The following ASIC2 variants were observed in gnomAD, a reference collection of about 807,000 sequenced individuals.
The protein encoded by ASIC2 is acid sensing ion channel subunit 2.
ASIC2 carries 25 observed loss-of-function variants against 57.3 expected under a neutral mutation model. The ratio of observed to expected loss-of-function variants is 0.44; its 90% CI spans 0.32 to 0.61. The LOEUF (loss-of-function observed/expected upper bound fraction) is 0.61. Ranked by LOEUF, ASIC2 falls within the 20% of genes least tolerant of loss-of-function variation. The pLI is 0.06. For missense variants in ASIC2, 641 were observed against 738.1 expected, an observed-to-expected ratio of 0.87 and a Z score of 1.52; for synonymous variants, 319 against 307.5, an observed-to-expected ratio of 1.04 and a Z score of -0.39.
chr17:33,116,971 T>G (rs1189471815), intron 1 of ASIC2, among the ~76,000 whole-genome samples: 1 of 151,892 alleles, frequency 6.6e-6, no homozygotes, highest in African/African-American at 2.4e-5. Flanking sequence ...CACCTCAGCC[T>G]CTTGAGTAGC....
At position 33,367,423 on chromosome 17, in the gene ASIC2, C is replaced by T. The variant is rs1168827613; in HGVS notation, c.556-255356G>A. 2.0e-5 allele frequency among the ~76,000 whole-genome samples: 3 copies of T among 152,208 alleles called. No individual in the cohort carries two copies. In the East Asian group the frequency reaches 5.8e-4, roughly 29 times the overall value. ...AAGTACTCCTAATTTGATCTTTCCA[C>T]TGCTTCTCTCTGTAAAAGAATCTCA... On this transcript the variant is annotated intron_variant, in intron 1 of 9. Coordinates refer to the ASIC2 transcript ENST00000359872.
intron 1 of ASIC2, among the ~76,000 whole-genome samples, chr17:33,871,158 T>C (rs1280507176): frequency 6.6e-6 from 1 of 152,186 alleles, no homozygotes. Context: ...CCCGGATAGA[T>C]GCCAGATTCC....
chr17:33,263,740 C>T (rs538043763), intron 1 of ASIC2, among the ~76,000 whole-genome samples: 1 of 136,162 alleles, frequency 7.3e-6, no homozygotes, highest in Admixed American at 7.7e-5. Flanking sequence ...CAGATCTGGG[C>T]ATATGAAAGG....
intron 1 of ASIC2, among the ~76,000 whole-genome samples, chr17:33,681,087 C>T (rs1374764339): frequency 1.3e-5 from 2 of 152,210 alleles, no homozygotes; most frequent in African/African-American, 4.8e-5. Flanking sequence ...CAATGATAAA[C>T]TGGCCTGCAT....
Position 34,015,897 on chromosome 17 carries a change from A to G in ASIC2, c.555+140081T>C, listed in dbSNP as rs533566866. 6.6e-5 allele frequency among the ~76,000 whole-genome samples: 10 copies of G among 152,304 alleles called. No homozygotes were observed. In the South Asian group the frequency reaches 1.2e-3, roughly 19 times the overall value. ...GTTTCTCTTTTTATAAAATGGGGAG[A>G]TGACCAACTCACGTGCCTACCATGA... On this transcript the variant is annotated intron_variant, in intron 1 of 9. Transcript: ENST00000359872.
At chr17:34,028,342 A>T (rs8072154) in intron 1 of ASIC2, among the ~76,000 whole-genome samples, 12,018 of 152,184 alleles carry the variant, frequency 0.079, 1,462 homozygotes, top group African/African-American at 0.26. Context: ...TTTCTTTGCA[A>T]TTCCTAACAT....
At chr17:33,536,301 C>T (rs920192644) in intron 1 of ASIC2, among the ~76,000 whole-genome samples, 7 of 152,200 alleles carry the variant, frequency 4.6e-5, no homozygotes, top group Non-Finnish European at 8.8e-5. Context: ...TCAACAAGTC[C>T]TGTAGACTCT....
Position 33,017,613 on chromosome 17 carries a change from T to C in ASIC2, c.1513A>G (p.Ile505Val). The C allele has an allele frequency of 1.2e-6, 2 of 1,612,650 alleles. No homozygotes were observed. The highest frequency in any genetic ancestry group is 1.7e-6 in the Non-Finnish European group (2 of 1,178,906). Residue 505 changes from isoleucine to valine, a missense_variant, in exon 8 of 10, where the codon ATT becomes GTT. Physicochemically the swap from Ile to Val is conservative, Grantham distance 29. Around this residue, in one of 3 missense-constraint regions of ASIC2, gnomAD observed 252 missense variants for 319.8 expected, o/e 0.79. Transcript: ENST00000225823. ...GGAATCCCAAATCTTACCTCATAAA[T>C]ATAATCAAAGAGCTCTAGTATTGTA... ...ILTILELFDY[I>V]YELIKEKLLD...
At chr17:33,667,178 G>A (rs1004661575) in intron 1 of ASIC2, among the ~76,000 whole-genome samples, 3 of 152,126 alleles carry the variant, frequency 2.0e-5, no homozygotes, top group African/African-American at 4.8e-5. Flanking sequence ...ACAGTGATCC[G>A]CTTGTGTGCA....
intron 1 of ASIC2, among the ~76,000 whole-genome samples, chr17:33,782,259 T>A (rs1270463494): frequency 1.3e-5 from 2 of 152,200 alleles, no homozygotes; most frequent in Admixed American, 1.3e-4. Flanking sequence ...TTATCTTATT[T>A]TTTTCCCCTA....
chr17:33,111,125 T>G (rs2092256440), intron 2 of ASIC2, among the ~76,000 whole-genome samples: 1 of 152,168 alleles, frequency 6.6e-6, no homozygotes, highest in Non-Finnish European at 1.5e-5. Context: ...TGTCTGACCT[T>G]CCTGAGCCCC....
At chr17:34,044,762 C>T (rs1597991263) in intron 1 of ASIC2, among the ~76,000 whole-genome samples, 2 of 152,320 alleles carry the variant, frequency 1.3e-5, no homozygotes, top group African/African-American at 4.8e-5. Context: ...TGGTTGGAGA[C>T]TTTCCAGCAG....
At chr17:33,801,129 G>A (rs760490920) in intron 1 of ASIC2, among the ~76,000 whole-genome samples, 30 of 152,306 alleles carry the variant, frequency 2.0e-4, no homozygotes, top group Middle Eastern at 3.4e-3. Context: ...ATGTGGCCTG[G>A]AGAACTAGAC....
At chr17:33,954,092 G>T (rs1904661420) in intron 1 of ASIC2, among the ~76,000 whole-genome samples, 1 of 152,122 alleles carries the variant, frequency 6.6e-6, no homozygotes, top group Non-Finnish European at 1.5e-5. Flanking sequence ...GGAAACAAAG[G>T]GACAGAAGTT....
At chr17:33,417,419 G>C (rs572893873) in intron 1 of ASIC2, among the ~76,000 whole-genome samples, 1 of 152,292 alleles carries the variant, frequency 6.6e-6, no homozygotes, top group East Asian at 1.9e-4. Context: ...AAATCTGTCT[G>C]TCTGTAGCTT....
chr17:33,584,306 C>G (rs1904542515), intron 1 of ASIC2, among the ~76,000 whole-genome samples: 1 of 152,120 alleles, frequency 6.6e-6, no homozygotes, highest in African/African-American at 2.4e-5. Context: ...TGGAGCAGAG[C>G]TGGGGCTGGA....
intron 1 of ASIC2, among the ~76,000 whole-genome samples, chr17:33,590,670 C>G (rs1904799824): frequency 6.6e-6 from 1 of 151,986 alleles, no homozygotes; most frequent in Admixed American, 6.6e-5. Flanking sequence ...CTCTACACCA[C>G]ACTCCAATCT....
intron 1 of ASIC2, among the ~76,000 whole-genome samples, chr17:33,964,398 C>T (rs941994640): frequency 2.6e-5 from 4 of 152,214 alleles, no homozygotes; most frequent in African/African-American, 9.6e-5. Context: ...CTAAATTGGC[C>T]TGGCAAGAAC....
At chr17:33,141,111 C>A (rs944548949) in intron 1 of ASIC2, among the ~76,000 whole-genome samples, 1 of 152,220 alleles carries the variant, frequency 6.6e-6, no homozygotes, top group African/African-American at 2.4e-5. Flanking sequence ...CTGTGTCTCT[C>A]GCATCAGAGA....
Sources: allele counts gnomAD v4.1 joint callset (sites outside exome capture counted in the v4.1 genomes callset), GRCh38; gene constraint gnomAD v4.1.1; regional missense constraint gnomAD v4.1.1; transcripts MANE v1.5; gene names NCBI Gene and HGNC (gene_info 2026-07-23, HGNC 2026-07-21).